The following CCDC3 variants were observed in gnomAD, a reference collection of about 807,000 sequenced individuals.
CCDC3 encodes the protein coiled-coil domain containing 3.
In CCDC3, 24 loss-of-function variants were observed where a neutral mutation model predicts 21.4. That is an observed-to-expected ratio of 1.12 (90% CI 0.81 to 1.58). The LOEUF is 1.58. Ranked by LOEUF, CCDC3 falls within the 40% of genes most tolerant of loss-of-function variation. CCDC3 has a pLI of 0.00. For synonymous variants in CCDC3, 186 were observed against 166.0 expected (o/e 1.12, Z -0.93); for missense variants, 425 against 360.9 (o/e 1.18, Z -1.44).
intron 2 of CCDC3, among the ~76,000 whole-genome samples, chr10:12,949,749 T>G (rs1409311637): frequency 6.6e-6 from 1 of 152,212 alleles, no homozygotes; most frequent in Non-Finnish European, 1.5e-5. Flanking sequence ...AGCAAAAGAC[T>G]ATTCCAGTCT....
Position 12,997,729 on chromosome 10 carries a change from T to A in CCDC3, c.549+609A>T, listed in dbSNP as rs142241569. ...TCAGGAACAGTCGTAACGGCTCACA[T>A]GTATTGAGCACTTACTCTTTTAAGC... On this transcript the variant is annotated intron_variant, in intron 2 of 2. Coordinates refer to ENST00000378825, the MANE Select transcript of CCDC3 (RefSeq NM_031455.4). Among the ~76,000 whole-genome samples, 7 of 152,320 alleles carry A rather than the reference T, an allele frequency of 4.6e-5. No individual in the cohort carries two copies. The East Asian group carries it at 1.2e-3, about 25-fold the overall frequency.
chr10:12,902,266 G>A (rs1834106478), intron 2 of CCDC3, among the ~76,000 whole-genome samples: 2 of 152,184 alleles, frequency 1.3e-5, no homozygotes, highest in Non-Finnish European at 2.9e-5. Flanking sequence ...GGAAGCTGCT[G>A]TTACAGGGGA....
chr10:13,057,344 G>A (rs1021979044), intron 4 of CCDC3, among the ~76,000 whole-genome samples: 1 of 151,940 alleles, frequency 6.6e-6, no homozygotes, highest in Non-Finnish European at 1.5e-5. Flanking sequence ...GACTTTTCAT[G>A]ATTCCTTCCA....
intron 5 of CCDC3, among the ~76,000 whole-genome samples, chr10:13,028,633 A>C (rs1332263974): frequency 6.6e-6 from 1 of 152,232 alleles, no homozygotes; most frequent in Admixed American, 6.5e-5. Flanking sequence ...ATCACATCAG[A>C]AAAATGGTAT....
At chr10:13,070,355 C>A (rs1293237492) in intron 4 of CCDC3, among the ~76,000 whole-genome samples, 1 of 152,186 alleles carries the variant, frequency 6.6e-6, no homozygotes, top group African/African-American at 2.4e-5. Flanking sequence ...TCTTTTGCAA[C>A]AGCACACAAT....
At chr10:12,953,928 A>G (rs1214151740) in intron 2 of CCDC3, among the ~76,000 whole-genome samples, 1 of 152,224 alleles carries the variant, frequency 6.6e-6, no homozygotes, top group Non-Finnish European at 1.5e-5. Flanking sequence ...CTACTCAACC[A>G]TGACTCTGTA....
At chr10:12,903,359 A>C (rs1834122903) in intron 2 of CCDC3, among the ~76,000 whole-genome samples, 1 of 152,252 alleles carries the variant, frequency 6.6e-6, no homozygotes, top group Admixed American at 6.5e-5. Context: ...GTGTTTCTTT[A>C]AGAAATGCTT....
intron 3 of CCDC3, among the ~76,000 whole-genome samples, chr10:13,079,391 G>A (rs1031602526): frequency 6.6e-6 from 1 of 152,196 alleles, no homozygotes; most frequent in African/African-American, 2.4e-5. Flanking sequence ...CACGTACCAC[G>A]TGGACCGGGT....
chr10:13,018,471 G>A (rs930411212), intron 5 of CCDC3, among the ~76,000 whole-genome samples: 3 of 152,112 alleles, frequency 2.0e-5, no homozygotes, highest in Non-Finnish European at 2.9e-5. Context: ...AAAGACTCCC[G>A]GCCTACAGGC....
intron 5 of CCDC3, among the ~76,000 whole-genome samples, chr10:13,020,345 T>A (rs957031086): frequency 6.6e-6 from 1 of 152,252 alleles, no homozygotes; most frequent in Non-Finnish European, 1.5e-5. Context: ...ACCTGTCTTT[T>A]TGCTGTCATG....
At chr10:12,974,670 G>A (rs1290593370) in intron 2 of CCDC3, among the ~76,000 whole-genome samples, 4 of 152,152 alleles carry the variant, frequency 2.6e-5, no homozygotes, top group Non-Finnish European at 5.9e-5. Flanking sequence ...CCACAGCCAG[G>A]AAGACCCAGG....
At chr10:12,992,251 G>A (rs998133136) in intron 2 of CCDC3, among the ~76,000 whole-genome samples, 6 of 151,976 alleles carry the variant, frequency 3.9e-5, no homozygotes, top group Non-Finnish European at 7.4e-5. Flanking sequence ...TCAGCTGGCC[G>A]TGGTGCTGGG....
chr10:12,995,732 G>C (rs1178047079), intron 2 of CCDC3, among the ~76,000 whole-genome samples: 1 of 152,142 alleles, frequency 6.6e-6, no homozygotes, highest in African/African-American at 2.4e-5. Flanking sequence ...TCTGAGCCTG[G>C]AATGCTCCCA....
intron 2 of CCDC3, among the ~76,000 whole-genome samples, chr10:12,972,293 TTCCAAAGCCACC>T (rs1835355641): frequency 6.6e-6 from 1 of 152,098 alleles, no homozygotes; most frequent in South Asian, 2.1e-4. Context: ...CACCCCCAAC[TTCCAAAGCCACC>T]TGGAGACTCA....
Position 12,898,559 on chromosome 10 carries a change from CCTT to C in CCDC3, c.667_669del (p.Lys223del), listed in dbSNP as rs777338842. ...CGCGCCTGCCGCAAGGACCTCTTGA[CCTT>C]CTTCACTCGCTCCCGGAGCTGCCGG... On this transcript the variant is annotated inframe_deletion, in exon 3 of 3. Coordinates refer to ENST00000378825, the MANE Select transcript of CCDC3 (RefSeq NM_031455.4). 40 of 1,614,232 alleles carry C rather than the reference CCTT, an allele frequency of 2.5e-5. No individual in the cohort carries two copies. The highest frequency in any genetic ancestry group is 3.0e-5 in the Non-Finnish European group (35 of 1,180,034).
intron 5 of CCDC3, among the ~76,000 whole-genome samples, chr10:13,019,162 A>T (rs925656339): frequency 6.6e-6 from 1 of 152,104 alleles, no homozygotes; most frequent in African/African-American, 2.4e-5. Flanking sequence ...TGAACCCGGG[A>T]GGCAGAGCTT....
At chr10:13,062,102 C>T (rs1836764943) in intron 4 of CCDC3, among the ~76,000 whole-genome samples, 1 of 151,978 alleles carries the variant, frequency 6.6e-6, no homozygotes, top group African/African-American at 2.4e-5. Context: ...AAGTAAGTAG[C>T]AATATGTAGG....
intron 3 of CCDC3, among the ~76,000 whole-genome samples, chr10:13,089,359 G>C (rs964494374): frequency 2.0e-4 from 31 of 152,044 alleles, no homozygotes; most frequent in Non-Finnish European, 3.1e-4. Context: ...TATAAAGAAT[G>C]CAAGTAAACA....
intron 2 of CCDC3, among the ~76,000 whole-genome samples, chr10:12,943,804 T>C (rs949544081): frequency 6.6e-6 from 1 of 152,214 alleles, no homozygotes; most frequent in Non-Finnish European, 1.5e-5. Flanking sequence ...AGACCCTCTC[T>C]CTCTGCAGGA....
Sources: gnomAD v4.1 joint callset for allele counts (sites outside exome capture counted in the v4.1 genomes callset) on GRCh38, gnomAD v4.1.1 for gene constraint, MANE v1.5 for transcripts, NCBI Gene and HGNC (gene_info 2026-07-23, HGNC 2026-07-21) for gene names.